C1RL: variants seen among roughly 807,000 people sequenced by gnomAD.
C1RL encodes the protein complement C1r subcomponent like, also known as complement C1r subcomponent-like protein.
A neutral mutation model predicts 27.9 loss-of-function variants in C1RL; 27 were observed. That is an observed-to-expected ratio of 0.97 (90% CI 0.71 to 1.33). The LOEUF (loss-of-function observed/expected upper bound fraction) is 1.33. Among genes scored for constraint, C1RL ranks in the 40% most tolerant of loss-of-function variants. C1RL has a pLI of 0.00. For missense variants in C1RL, 563 were observed against 623.9 expected, an observed-to-expected ratio of 0.90 and a Z score of 1.04; for synonymous variants, 248 against 252.1, an observed-to-expected ratio of 0.98 and a Z score of 0.15.
Position 7,095,120 on chromosome 12 carries a change from C to CTTTT in C1RL, c.*1267_*1270dup. 9.3e-7 allele frequency: 1 copy of CTTTT among 1,072,068 alleles called. No homozygotes were observed. Among genetic ancestry groups the CTTTT allele is most frequent in the South Asian group, 1.7e-5 (1 of 59,610 alleles). 66.4% of individuals were successfully genotyped at this position (1,072,068 alleles called of 1,614,324 possible). On this transcript the variant is annotated 3_prime_UTR_variant, in exon 6 of 6. Transcript: ENST00000266542. ...TCTTTCACTGTAAATCACCTCCAAT[C>CTTTT]TTTTTTTTTTGGGGGGGATGAAGTC...
At position 7,096,194 on chromosome 12, in the gene C1RL, C is replaced by T; in HGVS notation, c.*197G>A. On this transcript the variant is annotated 3_prime_UTR_variant, in exon 6 of 6. Transcript: ENST00000266542. ...GGAGCGGTCTGTGGGACTCTGCTTC[C>T]TGTCTGGGATGGGGCGGGCTTGCCG... The T allele has an allele frequency of 7.3e-7, 1 of 1,372,822 alleles. No individual in the cohort carries two copies. The highest frequency in any genetic ancestry group is 9.4e-7 in the Non-Finnish European group (1 of 1,066,920). The allele number at this position is 1,372,822 out of a possible 1,614,324, so 85.0% of individuals were successfully genotyped here. A position where few individuals can be genotyped will look rare whatever the true frequency, so the allele number is the denominator to read the frequency against.
chr12:7,108,989 GGGGGGGGGGGGGATGTGTGTGT>G (rs1301384660), intron 1 of C1RL, 99 bp downstream of exon 1: 4 of 70,116 alleles, frequency 5.7e-5, no homozygotes, highest in East Asian at 3.4e-4. Context: ...GTGTGTGTGT[GGGGGGGGGGGGGATGTGTGTGT>G]GGGGGGGGTA....
rs987916365 is a variant in C1RL, at chr12:7,095,049, T to C, written c.*1342A>G. ...CAAATTACCTCTCTTCTCTCTTTTA[T>C]GGTGTTTATTTTCTATTTCCATTGA... On this transcript the variant is annotated 3_prime_UTR_variant, in exon 6 of 6. Coordinates refer to ENST00000266542, the MANE Select transcript of C1RL (RefSeq NM_016546.4). 1.7e-6 allele frequency: 2 copies of C among 1,163,074 alleles called. No homozygotes were observed. Among genetic ancestry groups the C allele is most frequent in the Non-Finnish European group, 1.1e-6 (1 of 929,662 alleles). 72.0% of individuals were successfully genotyped at this position (1,163,074 alleles called of 1,614,324 possible). A position where few individuals can be genotyped will look rare whatever the true frequency, so the allele number is the denominator to read the frequency against.
rs141475761 is a variant in C1RL, at chr12:7,104,037, G to C, written c.301-1950C>G. On this transcript the variant is annotated intron_variant, in intron 2 of 5. Coordinates refer to ENST00000266542, the MANE Select transcript of C1RL (RefSeq NM_016546.4). This position sits in a 1 kb window ranked among gnomAD's most constrained non-coding sequence, Gnocchi z 5.4. ...TACACATAACCAAGGACAAAAAAGG[G>C]AGAGAAGATGACAGCAGATGACAGG... is the stretch of plus-strand genomic sequence containing the variant. Among the ~76,000 whole-genome samples the C allele has an allele frequency of 1.7e-4, 26 of 152,336 alleles. No individual in the cohort carries two copies. The highest frequency in any genetic ancestry group is 6.0e-4 in the African/African-American group (25 of 41,560).
rs1392756608 is a variant in C1RL, at chr12:7,096,724, C to T, written c.1131G>A (p.Gly377=). 1 of 1,613,586 alleles carries T rather than the reference C, an allele frequency of 6.2e-7. No homozygotes were observed. Among genetic ancestry groups the T allele is most frequent in the Admixed American group, 1.7e-5 (1 of 59,994 alleles). The change falls in exon 6 of 6, where the codon GGG becomes GGA. Residue 377 remains glycine (G), a synonymous_variant. Transcript: ENST00000266542. ...TTAGCCAGCCCATCTCCATGCCAAA[C>T]CCACTGACGTAGCCCAACAAGCCGC... ...YRSGLLGYVS[G]FGMEMGWLTT...
At chr12:7,101,591 A>G in intron 3 of C1RL, 2 of 490,328 alleles carry the variant, frequency 4.1e-6, no homozygotes, top group Non-Finnish European at 7.4e-6. Context: ...TTCAAAAACA[A>G]ATCTGAGTCA....
chr12:7,104,186 G>A lies in C1RL; in HGVS notation c.301-2099C>T, dbSNP rs1046866518. 8.5e-5 allele frequency among the ~76,000 whole-genome samples: 13 copies of A among 152,120 alleles called. No homozygotes were observed. Among genetic ancestry groups the A allele is most frequent in the African/African-American group, 3.1e-4 (13 of 41,424 alleles). ...CCAGGGGAAGTTTTAAAAATTGGGGGAATCAAGATAGGGATGAGGGAAGGG... is the reference window on the plus strand; with the variant it reads ...CCAGGGGAAGTTTTAAAAATTGGGGAAATCAAGATAGGGATGAGGGAAGGG... On this transcript the variant is annotated intron_variant, in intron 2 of 5. Transcript: ENST00000266542. The surrounding 1 kb of genome is among the most constrained non-coding windows in gnomAD (Gnocchi z 5.4).
rs777967374 is a variant in C1RL, at chr12:7,109,139, G to A, written c.42C>T (p.Ser14=). 1.9e-6 allele frequency: 3 copies of A among 1,599,812 alleles called. No individual in the cohort carries two copies. The highest frequency in any genetic ancestry group is 2.7e-5 in the African/African-American group (2 of 74,812). The change falls in exon 1 of 6, where the codon AGC becomes AGT. Residue 14 remains serine, a synonymous_variant. Coordinates refer to ENST00000266542, the MANE Select transcript of C1RL (RefSeq NM_016546.4). ...PRVWGKYLWR[S]PHSKGCPGAM... is the part of the protein sequence containing the mutation. ...CGCCTGGACAGCCTTTGGAGTGAGG[G>A]CTTCTCCAGAGATATTTCCCCCACA... is the stretch of plus-strand genomic sequence containing the variant.
At chr12:7,097,557 C>A (rs1938487846) in intron 5 of C1RL, among the ~76,000 whole-genome samples, 1 of 152,242 alleles carries the variant, frequency 6.6e-6, no homozygotes, top group East Asian at 1.9e-4. Flanking sequence ...GCTGGGATTA[C>A]AGGCGTGAGG....
In C1RL at chr12:7,095,466, C is replaced by T. The variant is rs778746424; in HGVS notation, c.*925G>A. 1 of 993,112 alleles carries T rather than the reference C, an allele frequency of 1.0e-6. No individual in the cohort carries two copies. Among genetic ancestry groups the T allele is most frequent in the Non-Finnish European group, 1.2e-6 (1 of 834,262 alleles). The allele number at this position is 993,112 out of a possible 1,614,324, so 61.5% of individuals were successfully genotyped here. A position where few individuals can be genotyped will look rare whatever the true frequency, so the allele number is the denominator to read the frequency against. The stretch of plus-strand genomic sequence containing the variant: ...AAAGAGTTGGTCCTCTCAGGTGGAG[C>T]AGTTCCCCTGATGATAGGGGCACAG... On this transcript the variant is annotated 3_prime_UTR_variant, in exon 6 of 6. Coordinates refer to ENST00000266542, the MANE Select transcript of C1RL (RefSeq NM_016546.4).
At chr12:7,097,897 C>T (rs1284962330) in intron 5 of C1RL, among the ~76,000 whole-genome samples, 2 of 152,152 alleles carry the variant, frequency 1.3e-5, no homozygotes, top group Non-Finnish European at 2.9e-5. Context: ...TACCACCTGC[C>T]CTCCAAACCA....
At position 7,109,122 on chromosome 12, in the gene C1RL, C is replaced by T; in HGVS notation, c.59G>A (p.Cys20Tyr). Residue 20 changes from cysteine to tyrosine, a missense_variant, in exon 1 of 6, where the codon TGT (cysteine) becomes TAT (tyrosine). Coordinates refer to ENST00000266542, the MANE Select transcript of C1RL (RefSeq NM_016546.4). ...YLWRSPHSKG[C>Y]PGAMWWLLLW... is the part of the protein sequence containing the mutation. ...GGGCCACACTCACATTGCGCCTGGA[C>T]AGCCTTTGGAGTGAGGGCTTCTCCA... The T allele has an allele frequency of 6.3e-7, 1 of 1,594,306 alleles. No homozygotes were observed. The highest frequency in any genetic ancestry group is 8.6e-7 in the Non-Finnish European group (1 of 1,169,550).
rs1938440241 is a variant in C1RL, at chr12:7,096,672, G to A, written c.1183C>T (p.Pro395Ser). 6.2e-7 allele frequency: 1 copy of A among 1,614,096 alleles called. No individual in the cohort carries two copies. The highest frequency in any genetic ancestry group is 8.5e-7 in the Non-Finnish European group (1 of 1,180,008). Residue 395 changes from proline (P) to serine (S), a missense_variant, in exon 6 of 6, where the codon CCT becomes TCT. Transcript: ENST00000266542. ...LTTELKYSRL[P>S]VAPREACNAW... ...TTGCAGGCCTCCCTGGGAGCTACAG[G>A]CAGCCTCGAGTACTTCAGCTCAGTA...
chr12:7,094,565 A>G lies in C1RL; in HGVS notation c.*1826T>C. 1.7e-6 allele frequency: 1 copy of G among 582,700 alleles called. No homozygotes were observed. The highest frequency in any genetic ancestry group is 2.0e-6 in the Non-Finnish European group (1 of 499,244). The allele number at this position is 582,700 out of a possible 1,614,324, so 36.1% of individuals were successfully genotyped here. A position where few individuals can be genotyped will look rare whatever the true frequency, so the allele number is the denominator to read the frequency against. ...CATACACATATAAATATAGGTATAT[A>G]TATATTTTTTTGCCTTGGCAGGGAG... On this transcript the variant is annotated 3_prime_UTR_variant, in exon 6 of 6. Transcript: ENST00000266542.
chr12:7,095,633 G>T lies in C1RL; in HGVS notation c.*758C>A. On this transcript the variant is annotated 3_prime_UTR_variant, in exon 6 of 6. Transcript: ENST00000266542. Reference sequence around the variant, plus strand: ...CAGGGAGGGAAAATGGTAAGGATGTGGGGGCTGGGAGGGAAAGCGGGTGAC... The same window carrying T: ...CAGGGAGGGAAAATGGTAAGGATGTTGGGGCTGGGAGGGAAAGCGGGTGAC... The T allele has an allele frequency of 2.0e-6, 2 of 985,992 alleles. No individual in the cohort carries two copies. Among genetic ancestry groups the T allele is most frequent in the Non-Finnish European group, 2.4e-6 (2 of 830,264 alleles). The allele number at this position is 985,992 out of a possible 1,614,324, so 61.1% of individuals were successfully genotyped here. A position where few individuals can be genotyped will look rare whatever the true frequency, so the allele number is the denominator to read the frequency against.
chr12:7,095,661 A>T lies in C1RL; in HGVS notation c.*730T>A. The T allele has an allele frequency of 1.0e-6, 1 of 985,000 alleles. No homozygotes were observed. The allele number at this position is 985,000 out of a possible 1,614,324, so 61.0% of individuals were successfully genotyped here. ...GGCTGGGAGGGAAAGCGGGTGACAC[A>T]GCAGGTTAGAGGAGGGTTGAGAAGT... On this transcript the variant is annotated 3_prime_UTR_variant, in exon 6 of 6. Transcript: ENST00000266542.
At position 7,095,162 on chromosome 12, in the gene C1RL, C is replaced by T. The variant is rs1401699189; in HGVS notation, c.*1229G>A. 2 of 1,213,898 alleles carry T rather than the reference C, an allele frequency of 1.6e-6. No homozygotes were observed. The highest frequency in any genetic ancestry group is 2.1e-6 in the Non-Finnish European group (2 of 946,718). 75.2% of individuals were successfully genotyped at this position (1,213,898 alleles called of 1,614,324 possible). On this transcript the variant is annotated 3_prime_UTR_variant, in exon 6 of 6. Transcript: ENST00000266542. ...GATGAAGTCTTGGTCTGTCCGCAGGCTGGAGTGCAGTGGCGTGATCTTAGC... is the reference window on the plus strand; with the variant it reads ...GATGAAGTCTTGGTCTGTCCGCAGGTTGGAGTGCAGTGGCGTGATCTTAGC...
intron 3 of C1RL, among the ~76,000 whole-genome samples, chr12:7,100,566 G>T (rs904061105): frequency 6.6e-6 from 1 of 152,172 alleles, no homozygotes; most frequent in African/African-American, 2.4e-5. Flanking sequence ...GCCTGAGGCA[G>T]GCAGATCACC....
Position 7,095,114 on chromosome 12 carries a change from T to C in C1RL, c.*1277A>G. Reference sequence around the variant, plus strand: ...TTTGTGTCTTTCACTGTAAATCACCTCCAATCTTTTTTTTTTGGGGGGGAT... The same window carrying C: ...TTTGTGTCTTTCACTGTAAATCACCCCCAATCTTTTTTTTTTGGGGGGGAT... On this transcript the variant is annotated 3_prime_UTR_variant, in exon 6 of 6. Transcript: ENST00000266542. The C allele has an allele frequency of 8.1e-7, 1 of 1,241,144 alleles. No homozygotes were observed. The highest frequency in any genetic ancestry group is 1.0e-6 in the Non-Finnish European group (1 of 971,204). The allele number at this position is 1,241,144 out of a possible 1,614,324, so 76.9% of individuals were successfully genotyped here.
Sources: allele counts gnomAD v4.1 joint callset (sites outside exome capture counted in the v4.1 genomes callset), GRCh38; gene constraint gnomAD v4.1.1; non-coding constraint Gnocchi (gnomAD v3.1); transcripts MANE v1.5; gene names NCBI Gene and HGNC (gene_info 2026-07-23, HGNC 2026-07-21).